STK3: variants seen among roughly 807,000 people sequenced by gnomAD.
The protein encoded by STK3 is serine/threonine-protein kinase 3.
A neutral mutation model predicts 58.0 loss-of-function variants in STK3; 41 were observed. That is an observed-to-expected ratio of 0.71 (90% CI 0.55 to 0.92). STK3 has a LOEUF of 0.92. Ranked by LOEUF, STK3 falls within the 40% of genes least tolerant of loss-of-function variation. The pLI, the probability that STK3 is intolerant of heterozygous loss-of-function variation, is 0.00. For missense variants in STK3, 479 were observed against 602.7 expected, an observed-to-expected ratio of 0.79 and a Z score of 2.15; for synonymous variants, 170 against 191.0, an observed-to-expected ratio of 0.89 and a Z score of 0.91.
intron 1 of STK3, among the ~76,000 whole-genome samples, chr8:98,920,713 T>C (rs1839526024): frequency 6.6e-6 from 1 of 151,410 alleles, no homozygotes; most frequent in Admixed American, 6.6e-5. Flanking sequence ...CCTACAGCCA[T>C]GCTCACTGCC....
At chr8:98,889,385 C>T (rs1432932976) in intron 1 of STK3, among the ~76,000 whole-genome samples, 1 of 152,186 alleles carries the variant, frequency 6.6e-6, no homozygotes, top group African/African-American at 2.4e-5. Context: ...CCAGAAACCT[C>T]CCTCCCCTGC....
At chr8:98,718,098 T>C (rs1827151936) in intron 4 of STK3, among the ~76,000 whole-genome samples, 1 of 152,172 alleles carries the variant, frequency 6.6e-6, no homozygotes. Context: ...AGTTTCAGTC[T>C]TACAAGATGA....
At chr8:98,905,827 T>C (rs1474788441) in intron 1 of STK3, among the ~76,000 whole-genome samples, 1 of 152,030 alleles carries the variant, frequency 6.6e-6, no homozygotes, top group Non-Finnish European at 1.5e-5. Flanking sequence ...GGAGCCAGAG[T>C]AGGATCAGAG....
rs776535108 is a variant in STK3 at position 98,930,539 on chromosome 8, T to TA, written c.-79+11838dup. ...AAAAGAAACCACTACTTATGTAGCT[T>TA]AAAAAAAAATGGAAACAATGATTGT... On this transcript the variant is annotated intron_variant, in intron 1 of 1. Transcript: ENST00000519420. Among the ~76,000 whole-genome samples, 90 of 151,460 alleles carry TA rather than the reference T, an allele frequency of 5.9e-4. 1 individual carries two copies. The highest frequency in any genetic ancestry group is 1.9e-3 in the African/African-American group (77 of 41,308).
At chr8:98,524,143 T>C (rs1214542863) in intron 10 of STK3, among the ~76,000 whole-genome samples, 1 of 152,224 alleles carries the variant, frequency 6.6e-6, no homozygotes, top group African/African-American at 2.4e-5. Flanking sequence ...CTTGGCATCC[T>C]TGCCGAAAAT....
chr8:98,657,432 C>T (rs994014614), intron 6 of STK3, among the ~76,000 whole-genome samples: 3 of 151,952 alleles, frequency 2.0e-5, no homozygotes, highest in African/African-American at 7.3e-5. Context: ...TGATAATATG[C>T]CATTTCAGTA....
chr8:98,427,890 C>T, intron 3 of STK3: 1 of 1,191,884 alleles, frequency 8.4e-7, no homozygotes, highest in Non-Finnish European at 1.2e-6. Flanking sequence ...GAGGGGGCCC[C>T]GCCAGGGCGC....
chr8:98,352,920 A>G, the STK3 span, among the ~76,000 whole-genome samples: 1 of 152,070 alleles, frequency 6.6e-6, no homozygotes, highest in African/African-American at 2.4e-5. Context: ...CTGAACACAT[A>G]TTTTTTCACT....
At chr8:98,702,466 A>G (rs1825697023) in intron 6 of STK3, among the ~76,000 whole-genome samples, 1 of 152,176 alleles carries the variant, frequency 6.6e-6, no homozygotes, top group African/African-American at 2.4e-5. Context: ...TCAGTGAAAA[A>G]CAGTATTAAT....
Position 98,428,019 on chromosome 8 carries a change from G to T in STK3, n.483+6108C>A. On this transcript the variant is annotated intron_variant and non_coding_transcript_variant, in intron 3 of 3. Transcript: ENST00000517832. The surrounding 1 kb of genome is among the most constrained non-coding windows in gnomAD (Gnocchi z 6.7). The stretch of plus-strand genomic sequence containing the variant: ...CCTGTGGGACGTGTCGGAGGCTAAC[G>T]TCGAGGACGGGGAGATCCGCATCAA... 1.3e-6 allele frequency: 2 copies of T among 1,597,860 alleles called. No homozygotes were observed. The highest frequency in any genetic ancestry group is 1.3e-5 in the African/African-American group (1 of 74,658).
Position 98,455,498 on chromosome 8 carries a change from T to C in STK3, c.*344A>G, listed in dbSNP as rs1360919452. On this transcript the variant is annotated 3_prime_UTR_variant, in exon 11 of 11. Transcript: ENST00000419617. ...GTATACTAGATAGGAATAAAGAATA[T>C]TGTAACATAAAGCCCTTCAGTGCTG... 1.4e-5 allele frequency: 3 copies of C among 210,700 alleles called. No individual in the cohort carries two copies. The highest frequency in any genetic ancestry group is 7.0e-5 in the African/African-American group (3 of 42,716). 13.1% of individuals were successfully genotyped at this position (210,700 alleles called of 1,614,324 possible). A position where few individuals can be genotyped will look rare whatever the true frequency, so the allele number is the denominator to read the frequency against.
At chr8:98,483,497 T>A (rs764029649) in intron 10 of STK3, among the ~76,000 whole-genome samples, 1 of 152,084 alleles carries the variant, frequency 6.6e-6, no homozygotes, top group Non-Finnish European at 1.5e-5. Context: ...CCAAAGTAAA[T>A]TTAGATGGGG....
At chr8:98,535,456 AT>A (rs34779344) in intron 9 of STK3, among the ~76,000 whole-genome samples, 6,668 of 143,652 alleles carry the variant, frequency 0.046, 188 homozygotes, top group Non-Finnish European at 0.069. Context: ...GCTTTCATTA[AT>A]TTTTTTTTTT....
chr8:98,935,123 G>T (rs946378007), intron 1 of STK3, among the ~76,000 whole-genome samples: 12 of 150,886 alleles, frequency 8.0e-5, no homozygotes, highest in Non-Finnish European at 1.8e-4. Flanking sequence ...AGCTAGATAT[G>T]CCTGGTGACT....
intron 8 of STK3, among the ~76,000 whole-genome samples, chr8:98,566,468 G>T (rs1470857558): frequency 6.6e-6 from 1 of 151,658 alleles, no homozygotes; most frequent in Non-Finnish European, 1.5e-5. Flanking sequence ...TAAGAATGCA[G>T]GATCCACACA....
intron 6 of STK3, among the ~76,000 whole-genome samples, chr8:98,675,035 T>C (rs1295180414): frequency 1.3e-5 from 2 of 152,222 alleles, no homozygotes. Context: ...ATGATGCATG[T>C]AGCCTTCACT....
chr8:98,799,040 A>C (rs1439457873), intron 1 of STK3, among the ~76,000 whole-genome samples: 1 of 152,184 alleles, frequency 6.6e-6, no homozygotes, highest in Non-Finnish European at 1.5e-5. Context: ...AGTCTTTAGA[A>C]CCATGAGTAA....
At chr8:98,831,499 C>T (rs568592477) in intron 3 of STK3, among the ~76,000 whole-genome samples, 5 of 152,330 alleles carry the variant, frequency 3.3e-5, no homozygotes, top group South Asian at 2.1e-4. Flanking sequence ...TCAAGCAATC[C>T]TCCCACCTTA....
intron 6 of STK3, among the ~76,000 whole-genome samples, chr8:98,623,900 C>G (rs1423847927): frequency 6.6e-6 from 1 of 152,214 alleles, no homozygotes; most frequent in East Asian, 1.9e-4. Context: ...CTTGGAAGTC[C>G]AGACTCCAGA....
Sources: allele counts gnomAD v4.1 joint callset (sites outside exome capture counted in the v4.1 genomes callset), GRCh38; gene constraint gnomAD v4.1.1; non-coding constraint Gnocchi (gnomAD v3.1); transcripts MANE v1.5; gene names NCBI Gene and HGNC (gene_info 2026-07-23, HGNC 2026-07-21).